The following FLYWCH1 variants were observed in gnomAD, a reference collection of about 807,000 sequenced individuals.
FLYWCH1 encodes FLYWCH-type zinc finger 1, also known as FLYWCH-type zinc finger-containing protein 1.
Under a neutral mutation model 66.4 loss-of-function variants are expected in FLYWCH1, and 75 were observed. That is an observed-to-expected ratio of 1.13 (90% CI 0.94 to 1.37). The LOEUF is 1.37. FLYWCH1 is among the 40% of genes most tolerant of loss of function. The pLI is 0.00. For missense variants in FLYWCH1, 1,334 were observed against 1,001.8 expected (o/e 1.33, Z -4.48); for synonymous variants, 595 against 429.9 (o/e 1.38, Z -4.75).
chr16:2,946,807 A>C (rs914848160), intron 9 of FLYWCH1, among the ~76,000 whole-genome samples: 4 of 152,158 alleles, frequency 2.6e-5, no homozygotes, highest in Non-Finnish European at 5.9e-5. Context: ...GTGACAGACC[A>C]CTTCACACCC....
chr16:2,943,037 G>A (rs866283631), intron 9 of FLYWCH1, among the ~76,000 whole-genome samples: 22 of 152,108 alleles, frequency 1.4e-4, no homozygotes, highest in African/African-American at 2.7e-4. Context: ...GAGCTCCTAT[G>A]TGGATACAAT....
At position 2,922,904 on chromosome 16, in the gene FLYWCH1, T is replaced by G. The variant is rs1596360317; in HGVS notation, c.-73-6709T>G. ...GGTCGGTGGAAAATTGATGATCGCA[T>G]AGTGGTCAAGCTCGTTTCTCCTGGG... On this transcript the variant is annotated intron_variant, in intron 2 of 9. Coordinates refer to ENST00000253928, the MANE Select transcript of FLYWCH1 (RefSeq NM_001308068.2). The G allele has an allele frequency of 7.6e-6, 4 of 523,366 alleles. No homozygotes were observed. The East Asian group carries it at 2.1e-4, about 28-fold the overall frequency. The allele number at this position is 523,366 out of a possible 1,614,324, so 32.4% of individuals were successfully genotyped here. A position where few individuals can be genotyped will look rare whatever the true frequency, so the allele number is the denominator to read the frequency against.
intron 6 of FLYWCH1, among the ~76,000 whole-genome samples, chr16:2,934,419 A>G (rs2070910857): frequency 6.6e-6 from 1 of 152,184 alleles, no homozygotes; most frequent in African/African-American, 2.4e-5. Context: ...TGTTCCATAG[A>G]CACCCATAAT....
chr16:2,919,415 G>A (rs1352721168), intron 2 of FLYWCH1, among the ~76,000 whole-genome samples: 4 of 151,846 alleles, frequency 2.6e-5, no homozygotes, highest in South Asian at 2.1e-4. Flanking sequence ...ACAGGCATGC[G>A]CCACCACACC....
chr16:2,948,988 T>C lies in FLYWCH1; in HGVS notation c.*261T>C. 2.0e-6 allele frequency: 1 copy of C among 505,078 alleles called. No homozygotes were observed. The allele number at this position is 505,078 out of a possible 1,614,324, so 31.3% of individuals were successfully genotyped here. On this transcript the variant is annotated 3_prime_UTR_variant, in exon 10 of 10. Coordinates refer to ENST00000253928, the MANE Select transcript of FLYWCH1 (RefSeq NM_001308068.2). Reference sequence around the variant, plus strand: ...AGGGCGGTGGCGCCTTCCTGACCTTTGGAAGACATGACAAAGCTGCCTGGA... The same window carrying C: ...AGGGCGGTGGCGCCTTCCTGACCTTCGGAAGACATGACAAAGCTGCCTGGA...
intron 7 of FLYWCH1, 23 bp from the exon 8 acceptor site, chr16:2,938,161 C>T: frequency 1.2e-6 from 2 of 1,606,740 alleles, no homozygotes; most frequent in Non-Finnish European, 1.7e-6. Flanking sequence ...TGGCCCCACT[C>T]ACAGTGTCAC....
intron 2 of FLYWCH1, among the ~76,000 whole-genome samples, chr16:2,923,920 T>C (rs1162566107): frequency 6.6e-6 from 1 of 152,050 alleles, no homozygotes; most frequent in Non-Finnish European, 1.5e-5. Context: ...GCACCTGTAA[T>C]CGCAGCTACT....
At chr16:2,948,043 A>G (rs978016559) in intron 9 of FLYWCH1, among the ~76,000 whole-genome samples, 1 of 151,886 alleles carries the variant, frequency 6.6e-6, no homozygotes. Flanking sequence ...CATATCTCAA[A>G]AAAGAAAATT....
intron 1 of FLYWCH1, among the ~76,000 whole-genome samples, chr16:2,913,502 C>T (rs1313552683): frequency 1.3e-5 from 2 of 152,226 alleles, no homozygotes. Flanking sequence ...CCCCAGGGAA[C>T]GTTCTGCAGT....
intron 2 of FLYWCH1, among the ~76,000 whole-genome samples, chr16:2,927,799 TAAAAG>T (rs375538425): frequency 2.0e-4 from 30 of 152,260 alleles, no homozygotes; most frequent in African/African-American, 7.0e-4. Context: ...ATGAGACTGA[TAAAAG>T]AAATAAGACA....
rs576516235 is a variant in FLYWCH1 at position 2,950,167 on chromosome 16, G to A, written c.*1440G>A. ...TAAGCCTGGGCAAGTGGCACCCCTG[G>A]GCCAAGGGCAGACTTGCCCACCCGT... is the stretch of plus-strand genomic sequence containing the variant. On this transcript the variant is annotated 3_prime_UTR_variant, in exon 10 of 10. Coordinates refer to ENST00000253928, the MANE Select transcript of FLYWCH1 (RefSeq NM_001308068.2). 1 of 152,378 alleles carries A rather than the reference G, an allele frequency of 6.6e-6. No homozygotes were observed. The highest frequency in any genetic ancestry group is 2.1e-4 in the South Asian group (1 of 4,830). The allele number at this position is 152,378 out of a possible 1,614,324, so 9.4% of individuals were successfully genotyped here.
chr16:2,941,903 A>G lies in FLYWCH1; in HGVS notation c.2111+1811A>G, dbSNP rs1217305845. Among the ~76,000 whole-genome samples the G allele has an allele frequency of 2.8e-5, 4 of 143,684 alleles. No individual in the cohort carries two copies. In the South Asian group the frequency reaches 9.8e-4, roughly 35 times the overall value. 94.3% of individuals were successfully genotyped at this position (143,684 alleles called of 152,430 possible). A position where few individuals can be genotyped will look rare whatever the true frequency, so the allele number is the denominator to read the frequency against. On this transcript the variant is annotated intron_variant, in intron 9 of 9. Coordinates refer to ENST00000253928, the MANE Select transcript of FLYWCH1 (RefSeq NM_001308068.2). ...AGGCGTGGTGGTGGGAGCCTGTAGCAGGAGAATTGCTTGAACCCAGGAGGT... is the reference window on the plus strand; with the variant it reads ...AGGCGTGGTGGTGGGAGCCTGTAGCGGGAGAATTGCTTGAACCCAGGAGGT...
At chr16:2,916,253 G>A (rs2070163610) in intron 2 of FLYWCH1, among the ~76,000 whole-genome samples, 1 of 151,992 alleles carries the variant, frequency 6.6e-6, no homozygotes. Flanking sequence ...GCTGAGTCAG[G>A]ATAATTAACC....
Position 2,944,250 on chromosome 16 carries a change from A to G in FLYWCH1, c.2111+4158A>G, listed in dbSNP as rs548675034. Among the ~76,000 whole-genome samples the G allele has an allele frequency of 8.6e-5, 13 of 150,336 alleles. No individual in the cohort carries two copies. In the South Asian group the frequency reaches 2.8e-3, roughly 32 times the overall value. Reference sequence around the variant, plus strand: ...AAAAATACAATAGCCAGGCTTGGCTACAGGTACAGCGCACCTGTAATCCCA... The same window carrying G: ...AAAAATACAATAGCCAGGCTTGGCTGCAGGTACAGCGCACCTGTAATCCCA... On this transcript the variant is annotated intron_variant, in intron 9 of 9. Coordinates refer to ENST00000253928, the MANE Select transcript of FLYWCH1 (RefSeq NM_001308068.2).
intron 2 of FLYWCH1, among the ~76,000 whole-genome samples, chr16:2,926,202 A>G (rs1376808187): frequency 1.3e-5 from 2 of 152,354 alleles, no homozygotes; most frequent in East Asian, 3.9e-4. Flanking sequence ...ATTTCAAACA[A>G]TAGAACAATT....
At chr16:2,928,094 C>G (rs1037771993) in intron 2 of FLYWCH1, among the ~76,000 whole-genome samples, 2 of 152,352 alleles carry the variant, frequency 1.3e-5, no homozygotes, top group East Asian at 1.9e-4. Context: ...ACACAAACAT[C>G]TCAGTGTAGC....
intron 2 of FLYWCH1, among the ~76,000 whole-genome samples, chr16:2,924,717 G>C (rs968066542): frequency 6.6e-6 from 1 of 152,190 alleles, no homozygotes; most frequent in African/African-American, 2.4e-5. Flanking sequence ...GGTTGCTGAG[G>C]GGCCTGTGGA....
Position 2,949,056 on chromosome 16 carries a change from C to A in FLYWCH1, c.*329C>A. On this transcript the variant is annotated 3_prime_UTR_variant, in exon 10 of 10. Transcript: ENST00000253928. ...TACGGCCACAGCACCCCTGGGTTTG[C>A]AGAGCACGCAGCCTTCCTAGGGCTT... 2.6e-6 allele frequency: 1 copy of A among 390,610 alleles called. No individual in the cohort carries two copies. The highest frequency in any genetic ancestry group is 4.8e-6 in the Non-Finnish European group (1 of 207,088). The allele number at this position is 390,610 out of a possible 1,614,324, so 24.2% of individuals were successfully genotyped here.
At position 2,950,276 on chromosome 16, in the gene FLYWCH1, A is replaced by C. The variant is rs1410799515; in HGVS notation, c.*1549A>C. The C allele has an allele frequency of 6.5e-6, 1 of 152,738 alleles. No homozygotes were observed. The highest frequency in any genetic ancestry group is 1.5e-5 in the Non-Finnish European group (1 of 68,494). 9.5% of individuals were successfully genotyped at this position (152,738 alleles called of 1,614,324 possible). A position where few individuals can be genotyped will look rare whatever the true frequency, so the allele number is the denominator to read the frequency against. Reference sequence around the variant, plus strand: ...CTCGGCCCTGAAGCATCCTGCCCCGAGGCTGACCTAACTGCCCCCAGCTGG... The same window carrying C: ...CTCGGCCCTGAAGCATCCTGCCCCGCGGCTGACCTAACTGCCCCCAGCTGG... On this transcript the variant is annotated 3_prime_UTR_variant, in exon 10 of 10. Coordinates refer to ENST00000253928, the MANE Select transcript of FLYWCH1 (RefSeq NM_001308068.2).
Sources: allele counts gnomAD v4.1 joint callset (sites outside exome capture counted in the v4.1 genomes callset), GRCh38; gene constraint gnomAD v4.1.1; transcripts MANE v1.5; gene names NCBI Gene and HGNC (gene_info 2026-07-23, HGNC 2026-07-21).